Variants in CSNK1G3 observed in about 807,000 individuals in gnomAD.
The protein encoded by CSNK1G3 is casein kinase I isoform gamma-3.
CSNK1G3 carries 23 observed loss-of-function variants against 64.3 expected under a neutral mutation model. The observed-to-expected ratio is 0.36, with a 90% CI of 0.26 to 0.51. The LOEUF (loss-of-function observed/expected upper bound fraction) is 0.51, where lower values mean the gene tolerates loss of function less well. Ranked by LOEUF, CSNK1G3 falls within the 20% of genes least tolerant of loss-of-function variation. The pLI, the probability that CSNK1G3 is intolerant of heterozygous loss-of-function variation, is 0.96. For synonymous variants in CSNK1G3, 158 were observed against 162.2 expected, an observed-to-expected ratio of 0.97 and a Z score of 0.20; for missense variants, 357 against 510.5, an observed-to-expected ratio of 0.70 and a Z score of 2.90.
At chr5:123,529,570 A>G (rs965418238) in intron 1 of CSNK1G3, among the ~76,000 whole-genome samples, 1 of 152,160 alleles carries the variant, frequency 6.6e-6, no homozygotes, top group Non-Finnish European at 1.5e-5. Flanking sequence ...GTACTCAGTA[A>G]ATATTTGTTG....
chr5:123,614,922 A>G (rs1749203370), exon 13 of CSNK1G3: 1 of 152,766 alleles, frequency 6.5e-6, no homozygotes, highest in African/African-American at 2.4e-5. Flanking sequence ...TACTGATGGT[A>G]CTGTTATTCA....
At chr5:123,512,751 T>G (rs1776433052) in intron 1 of CSNK1G3, among the ~76,000 whole-genome samples, 181 bp downstream of exon 1, 1 of 141,860 alleles carries the variant, frequency 7.0e-6, no homozygotes, top group African/African-American at 2.6e-5. Context: ...CCATGGCGGG[T>G]GGCCCGGAGG....
intron 10 of CSNK1G3, among the ~76,000 whole-genome samples, chr5:123,601,619 A>G (rs1428473260): frequency 6.6e-6 from 1 of 152,222 alleles, no homozygotes; most frequent in East Asian, 1.9e-4. Context: ...ATCCGATTAT[A>G]TAATTACAGT....
rs113951198 is a variant in CSNK1G3 at position 123,524,874 on chromosome 5, G to A, written c.-248+12304G>A. Among the ~76,000 whole-genome samples the A allele has an allele frequency of 2.1e-3, 327 of 152,256 alleles. 2 individuals are homozygous for A. Among genetic ancestry groups the A allele is most frequent in the African/African-American group, 7.6e-3 (314 of 41,534 alleles). On this transcript the variant is annotated intron_variant, in intron 1 of 12. Coordinates refer to ENST00000345990, the Ensembl canonical transcript of CSNK1G3. ...CCATCCTTAAACACTGAAGGATAATGGGTGGGGGGGAGCACTGGTGTTATA... is the reference window on the plus strand; with the variant it reads ...CCATCCTTAAACACTGAAGGATAATAGGTGGGGGGGAGCACTGGTGTTATA...
intron 1 of CSNK1G3, among the ~76,000 whole-genome samples, chr5:123,528,570 G>A (rs549666206): frequency 5.3e-4 from 80 of 152,164 alleles, no homozygotes; most frequent in African/African-American, 1.9e-3. Context: ...CCTCTAAATC[G>A]GTAGTGAGGT....
intron 4 of CSNK1G3, among the ~76,000 whole-genome samples, chr5:123,570,050 T>G (rs1434622954): frequency 6.6e-6 from 1 of 152,214 alleles, no homozygotes; most frequent in African/African-American, 2.4e-5. Flanking sequence ...TATTCCTGGA[T>G]TAAAACATTC....
chr5:123,593,354 ACCAC>A (rs1259046366), intron 10 of CSNK1G3, among the ~76,000 whole-genome samples: 25 of 152,162 alleles, frequency 1.6e-4, no homozygotes, highest in African/African-American at 5.8e-4. Flanking sequence ...ATATCTCTAG[ACCAC>A]TAAGCAGCTT....
chr5:123,527,209 A>G (rs552016420), intron 1 of CSNK1G3, among the ~76,000 whole-genome samples: 2 of 152,270 alleles, frequency 1.3e-5, no homozygotes, highest in South Asian at 2.1e-4. Context: ...AATGAATGCA[A>G]TCTTCATTGT....
intron 1 of CSNK1G3, among the ~76,000 whole-genome samples, chr5:123,527,110 A>G (rs1389401637): frequency 1.3e-5 from 2 of 152,152 alleles, no homozygotes; most frequent in Admixed American, 6.6e-5. Context: ...CACACCAGCA[A>G]TATTGGGACA....
At chr5:123,610,393 C>A (rs1796113946) in intron 12 of CSNK1G3, among the ~76,000 whole-genome samples, 1 of 151,980 alleles carries the variant, frequency 6.6e-6, no homozygotes, top group Non-Finnish European at 1.5e-5. Context: ...CTAGGAGGTA[C>A]CAACAGTCTC....
chr5:123,575,706 T>G (rs953007497), intron 5 of CSNK1G3, 23 bp from the exon 6 acceptor site: 3 of 1,517,524 alleles, frequency 2.0e-6, no homozygotes, highest in Non-Finnish European at 2.7e-6. Context: ...ATAAAACTTC[T>G]CTTCTTTTTT....
chr5:123,576,640 A>T (rs1252318871), intron 6 of CSNK1G3, among the ~76,000 whole-genome samples: 2 of 152,044 alleles, frequency 1.3e-5, no homozygotes, highest in African/African-American at 4.8e-5. Flanking sequence ...AGCACAGGCT[A>T]TTTTATAGGA....
chr5:123,611,779 G>A (rs1239453430), intron 12 of CSNK1G3, among the ~76,000 whole-genome samples: 1 of 152,122 alleles, frequency 6.6e-6, no homozygotes, highest in African/African-American at 2.4e-5. Flanking sequence ...AATTTCCATT[G>A]AAATATGGCC....
At chr5:123,607,555 C>T (rs2407856) in intron 12 of CSNK1G3, among the ~76,000 whole-genome samples, 109,225 of 152,052 alleles carry the variant, frequency 0.72, 39,830 homozygotes, top group East Asian at 0.94. Context: ...TAGGCAAATA[C>T]ATAGACATCA....
chr5:123,614,397 C>G lies in CSNK1G3; in HGVS notation c.*1C>G, dbSNP rs759272811. 1.2e-5 allele frequency: 20 copies of G among 1,612,520 alleles called. 1 individual carries two copies. The South Asian group carries it at 2.2e-4, about 18-fold the overall frequency. On this transcript the variant is annotated 3_prime_UTR_variant, in exon 13 of 13. Coordinates refer to ENST00000345990, the Ensembl canonical transcript of CSNK1G3. ...GAAAACCATACAGCGCCACAAATGA[C>G]TCTGGACACAGACAGATCCTGGGGA...
intron 1 of CSNK1G3, among the ~76,000 whole-genome samples, chr5:123,532,687 G>A (rs1184407350): frequency 6.6e-6 from 1 of 151,722 alleles, no homozygotes; most frequent in African/African-American, 2.4e-5. Flanking sequence ...GATTTGTAGA[G>A]GCACTTAATA....
At chr5:123,538,043 A>G (rs1238569201) in intron 1 of CSNK1G3, among the ~76,000 whole-genome samples, 2 of 152,210 alleles carry the variant, frequency 1.3e-5, no homozygotes, top group African/African-American at 4.8e-5. Flanking sequence ...GTAGTCATCT[A>G]TTATATGACT....
intron 10 of CSNK1G3, among the ~76,000 whole-genome samples, chr5:123,602,702 TAGAAATGC>T (rs1171164897): frequency 1.4e-4 from 21 of 152,100 alleles, no homozygotes; most frequent in Non-Finnish European, 1.2e-4. Flanking sequence ...AATTTGCCTT[TAGAAATGC>T]AGAGTTTAAG....
At chr5:123,616,849 GGTTT>G (rs1749533215) in exon 13 of CSNK1G3, 1 of 151,984 alleles carries the variant, frequency 6.6e-6, no homozygotes, top group South Asian at 2.1e-4. Flanking sequence ...ATAAAAATTT[GGTTT>G]ATTTAGTCTG....
Sources: gnomAD v4.1 joint callset for allele counts (sites outside exome capture counted in the v4.1 genomes callset) on GRCh38, gnomAD v4.1.1 for gene constraint, MANE v1.5 for transcripts, NCBI Gene and HGNC (gene_info 2026-07-23, HGNC 2026-07-21) for gene names.